Variants in OSBPL10 observed in about 807,000 individuals in gnomAD.
The protein encoded by OSBPL10 is oxysterol binding protein like 10, also known as oxysterol-binding protein-related protein 10.
Under a neutral mutation model 81.7 loss-of-function variants are expected in OSBPL10, and 49 were observed. The observed-to-expected ratio is 0.60, with a 90% CI of 0.48 to 0.76. The LOEUF is 0.76. OSBPL10 is among the 30% of genes least tolerant of loss of function. The pLI, the probability that OSBPL10 is intolerant of heterozygous loss-of-function variation, is 0.00. For synonymous variants in OSBPL10, 419 were observed against 383.6 expected (o/e 1.09, Z -1.08); for missense variants, 923 against 987.8 (o/e 0.93, Z 0.88).
At chr3:31,672,750 A>G (rs994446582) in intron 8 of OSBPL10, among the ~76,000 whole-genome samples, 2 of 152,088 alleles carry the variant, frequency 1.3e-5, no homozygotes, top group Non-Finnish European at 2.9e-5. Context: ...TGAAAACCCA[A>G]GCTGACATGC....
In OSBPL10 at chr3:31,981,094, G is replaced by A. The variant is rs762994768; in HGVS notation, c.86C>T (p.Ser29Phe). The change falls in exon 1 of 12, where the codon TCC becomes TTC. Residue 29 changes from serine (S) to phenylalanine (F), a missense_variant. Physicochemically the swap from Ser to Phe is radical, Grantham distance 155. This residue lies in a region of OSBPL10 where 514 missense variants were observed against 508.0 expected (regional missense o/e 1.01). Transcript: ENST00000396556. The surrounding 1 kb of genome is among the most constrained non-coding windows in gnomAD (Gnocchi z 4.5). ...RSSSRATSAG[S>F]SPSCSLAGRG... ...GCCCGCCAGAGAGCAGGAGGGCGAG[G>A]AGCCCGCCGAGGTAGCACGGCTGCT... 10 of 1,492,554 alleles carry A rather than the reference G, an allele frequency of 6.7e-6. No homozygotes were observed. Among genetic ancestry groups the A allele is most frequent in the South Asian group, 6.3e-5 (5 of 79,272 alleles). 92.5% of individuals were successfully genotyped at this position (1,492,554 alleles called of 1,614,324 possible).
chr3:31,697,945 G>T (rs929664452), intron 7 of OSBPL10, among the ~76,000 whole-genome samples: 1 of 151,872 alleles, frequency 6.6e-6, no homozygotes, highest in South Asian at 2.1e-4. Flanking sequence ...TGTATTTTTA[G>T]TAGAGACAGG....
Position 31,765,225 on chromosome 3 carries a change from A to G in OSBPL10, c.730-17105T>C, listed in dbSNP as rs185240759. On this transcript the variant is annotated intron_variant, in intron 4 of 11. Transcript: ENST00000396556. ...TTGTTTTTGTTTTTTTTTTGTAGAGACATGATTTCACCACGTTATCCAGGC... is the reference window on the plus strand; with the variant it reads ...TTGTTTTTGTTTTTTTTTTGTAGAGGCATGATTTCACCACGTTATCCAGGC... 2.2e-3 allele frequency among the ~76,000 whole-genome samples: 329 copies of G among 150,990 alleles called. 1 individual carries two copies. The highest frequency in any genetic ancestry group is 7.8e-3 in the African/African-American group (319 of 41,134).
chr3:31,961,524 GTGTTAATAA>G (rs1211950711), intron 1 of OSBPL10, among the ~76,000 whole-genome samples: 2 of 152,164 alleles, frequency 1.3e-5, no homozygotes, highest in African/African-American at 2.4e-5. Context: ...GAGAGTGTGT[GTGTTAATAA>G]TGTTAATAAT....
chr3:32,028,196 T>C (rs964132826), intron 2 of OSBPL10, among the ~76,000 whole-genome samples: 1 of 152,212 alleles, frequency 6.6e-6, no homozygotes, highest in Non-Finnish European at 1.5e-5. Context: ...AATGTATGTG[T>C]TACAGACATA....
intron 4 of OSBPL10, among the ~76,000 whole-genome samples, chr3:31,809,817 G>T (rs890691565): frequency 1.3e-5 from 2 of 151,030 alleles, no homozygotes; most frequent in South Asian, 4.2e-4. Context: ...TCAAAAAATG[G>T]GATTGGAAAA....
At chr3:31,871,485 G>A (rs1277491471) in intron 3 of OSBPL10, among the ~76,000 whole-genome samples, 1 of 152,182 alleles carries the variant, frequency 6.6e-6, no homozygotes, top group Non-Finnish European at 1.5e-5. Context: ...CTTCATTCTT[G>A]AAGTCAGTGA....
intron 1 of OSBPL10, among the ~76,000 whole-genome samples, chr3:31,944,219 T>C (rs934855194): frequency 1.3e-5 from 2 of 152,140 alleles, no homozygotes; most frequent in African/African-American, 4.8e-5. Context: ...TAACCATTGC[T>C]AAGGCTGTTG....
At chr3:31,820,777 C>T (rs1699964862) in intron 4 of OSBPL10, among the ~76,000 whole-genome samples, 1 of 152,036 alleles carries the variant, frequency 6.6e-6, no homozygotes, top group African/African-American at 2.4e-5. Flanking sequence ...GACTTTAACT[C>T]CTAAGGAGAT....
intron 1 of OSBPL10, among the ~76,000 whole-genome samples, chr3:32,076,661 C>T (rs188782292): frequency 6.6e-5 from 10 of 152,140 alleles, no homozygotes; most frequent in East Asian, 5.8e-4. Context: ...CACACAAAGC[C>T]GGCTGTGCGG....
At chr3:31,902,842 G>A (rs1666247605) in intron 1 of OSBPL10, among the ~76,000 whole-genome samples, 1 of 152,164 alleles carries the variant, frequency 6.6e-6, no homozygotes, top group African/African-American at 2.4e-5. Context: ...TAGTCTTAAT[G>A]TAGCCCCTAA....
At chr3:31,874,595 C>T (rs6788326) in intron 3 of OSBPL10, among the ~76,000 whole-genome samples, 22,458 of 151,728 alleles carry the variant, frequency 0.15, 2,125 homozygotes, top group African/African-American at 0.26. Context: ...TAAGAATGGC[C>T]AATAAACATT....
intron 1 of OSBPL10, among the ~76,000 whole-genome samples, chr3:31,912,387 T>A (rs1168870385): frequency 5.1e-5 from 6 of 118,680 alleles, no homozygotes; most frequent in African/African-American, 1.6e-4. Context: ...AGGGCGAGAC[T>A]CTGTCTCGGA....
chr3:31,768,446 A>G (rs1250689693), intron 4 of OSBPL10, among the ~76,000 whole-genome samples: 1 of 152,228 alleles, frequency 6.6e-6, no homozygotes, highest in Non-Finnish European at 1.5e-5. Context: ...CTTTAGACTT[A>G]TCTGTGTACT....
chr3:31,950,363 C>T (rs1181574527), intron 1 of OSBPL10, among the ~76,000 whole-genome samples: 1 of 152,154 alleles, frequency 6.6e-6, no homozygotes, highest in Non-Finnish European at 1.5e-5. Context: ...TGAAGAGCTG[C>T]TGTCTTTCTG....
intron 1 of OSBPL10, among the ~76,000 whole-genome samples, chr3:31,909,647 A>G (rs1026515967): frequency 6.6e-6 from 1 of 152,106 alleles, no homozygotes; most frequent in African/African-American, 2.4e-5. Context: ...GGACACCCCA[A>G]CGATTTCACT....
At chr3:32,025,522 T>C (rs557696710) in intron 2 of OSBPL10, among the ~76,000 whole-genome samples, 3 of 152,194 alleles carry the variant, frequency 2.0e-5, no homozygotes, top group African/African-American at 4.8e-5. Flanking sequence ...CCTCATTGAA[T>C]GAGCTGGGAA....
At chr3:31,817,724 G>A (rs1483437080) in intron 4 of OSBPL10, among the ~76,000 whole-genome samples, 1 of 152,166 alleles carries the variant, frequency 6.6e-6, no homozygotes. Context: ...CTGCGGTTTG[G>A]GTGACTGCAG....
intron 4 of OSBPL10, among the ~76,000 whole-genome samples, chr3:31,814,452 G>T (rs1283897272): frequency 6.6e-6 from 1 of 152,162 alleles, no homozygotes; most frequent in African/African-American, 2.4e-5. Flanking sequence ...TGGTCAGAGA[G>T]AACTGAGGTG....
Sources: allele counts gnomAD v4.1 joint callset (sites outside exome capture counted in the v4.1 genomes callset), GRCh38; gene constraint gnomAD v4.1.1; regional missense constraint gnomAD v4.1.1; non-coding constraint Gnocchi (gnomAD v3.1); transcripts MANE v1.5; gene names NCBI Gene and HGNC (gene_info 2026-07-23, HGNC 2026-07-21).